WWC2: variants seen among roughly 807,000 people sequenced by gnomAD.
WWC2 encodes the protein WW and C2 domain containing 2, also known as protein WWC2.
WWC2 carries 101 observed loss-of-function variants against 138.5 expected under a neutral mutation model. The observed-to-expected ratio is 0.73, with a 90% confidence interval of 0.62 to 0.86. The LOEUF (loss-of-function observed/expected upper bound fraction) is 0.86. Among genes scored for constraint, WWC2 ranks in the 40% least tolerant of loss-of-function variants. The pLI, the probability that WWC2 is intolerant of heterozygous loss-of-function variation, is 0.00. For missense variants in WWC2, 1,420 were observed against 1,419.4 expected, an observed-to-expected ratio of 1.00 and a Z score of -0.01; for synonymous variants, 558 against 538.4, an observed-to-expected ratio of 1.04 and a Z score of -0.50.
chr4:183,178,424 A>T (rs994678313), intron 1 of WWC2, among the ~76,000 whole-genome samples: 5 of 151,052 alleles, frequency 3.3e-5, no homozygotes, highest in Admixed American at 6.6e-5. Flanking sequence ...AAATAAATTT[A>T]AAAAATTAGC....
At chr4:183,261,715 A>G (rs1255579714) in intron 11 of WWC2, among the ~76,000 whole-genome samples, 183 bp downstream of exon 11, 2 of 152,212 alleles carry the variant, frequency 1.3e-5, no homozygotes, top group Non-Finnish European at 1.5e-5. Flanking sequence ...ATTATCAAAT[A>G]AAAATTACCT....
chr4:183,113,575 G>A (rs1349205809), intron 1 of WWC2, among the ~76,000 whole-genome samples: 1 of 151,500 alleles, frequency 6.6e-6, no homozygotes, highest in Non-Finnish European at 1.5e-5. Flanking sequence ...ATTTTTGTTT[G>A]TTGGTAGAGA....
At chr4:183,203,920 G>C (rs1471345664) in intron 2 of WWC2, among the ~76,000 whole-genome samples, 1 of 152,184 alleles carries the variant, frequency 6.6e-6, no homozygotes, top group Non-Finnish European at 1.5e-5. Context: ...GAGTAGTACA[G>C]TCCAAGACCA....
chr4:183,208,923 T>C, intron 3 of WWC2, 26 bp from the exon 4 acceptor site: 1 of 1,450,696 alleles, frequency 6.9e-7, no homozygotes, highest in Non-Finnish European at 9.4e-7. Flanking sequence ...TGTAAATAAT[T>C]AGTTTTTCTT....
chr4:183,215,659 A>C (rs769614400), intron 4 of WWC2, among the ~76,000 whole-genome samples: 9 of 152,154 alleles, frequency 5.9e-5, no homozygotes, highest in Admixed American at 3.9e-4. Context: ...CTCACTCTCT[A>C]TGAGTTTGGC....
At chr4:183,220,892 C>T (rs1454684770) in intron 4 of WWC2, among the ~76,000 whole-genome samples, 2 of 148,504 alleles carry the variant, frequency 1.3e-5, no homozygotes, top group African/African-American at 4.9e-5. Context: ...TAAAATGGAA[C>T]CATTAGAAAA....
intron 4 of WWC2, among the ~76,000 whole-genome samples, chr4:183,212,366 C>G (rs1290708610): frequency 6.6e-6 from 1 of 152,092 alleles, no homozygotes; most frequent in African/African-American, 2.4e-5. Context: ...TTTGTCAGTC[C>G]ATCCATAATT....
At chr4:183,118,659 A>G (rs28636014) in intron 1 of WWC2, among the ~76,000 whole-genome samples, 2,562 of 152,358 alleles carry the variant, frequency 0.017, 70 homozygotes, top group African/African-American at 0.057. Context: ...TGTTCTGTCT[A>G]TAAAATAAAT....
Position 183,182,356 on chromosome 4 carries a change from G to A in WWC2, c.132-11243G>A, listed in dbSNP as rs1019578166. On this transcript the variant is annotated intron_variant, in intron 1 of 22. Coordinates refer to ENST00000403733, the MANE Select transcript of WWC2 (RefSeq NM_024949.6). ...CCACCATGAAATTGACTGGCTGTGT[G>A]TTGAACTACAGGTTGGGAATTGAGG... is the stretch of plus-strand genomic sequence containing the variant. Among the ~76,000 whole-genome samples, 4 of 152,202 alleles carry A rather than the reference G, an allele frequency of 2.6e-5. No homozygotes were observed. In the South Asian group the frequency reaches 8.3e-4, roughly 31 times the overall value.
At chr4:183,154,495 C>T (rs769258556) in intron 1 of WWC2, among the ~76,000 whole-genome samples, 175 of 152,150 alleles carry the variant, frequency 1.2e-3, no homozygotes, top group Non-Finnish European at 1.3e-3. Flanking sequence ...AGGAAAAGGT[C>T]AGGCACAACC....
At chr4:183,300,898 T>C (rs1738814211) in intron 21 of WWC2, among the ~76,000 whole-genome samples, 1 of 152,202 alleles carries the variant, frequency 6.6e-6, no homozygotes, top group East Asian at 1.9e-4. Context: ...CTCTGCGTTC[T>C]ATTCCTGTGG....
intron 4 of WWC2, among the ~76,000 whole-genome samples, chr4:183,218,439 AG>A (rs958334735): frequency 5.3e-5 from 8 of 152,208 alleles, no homozygotes; most frequent in East Asian, 3.8e-4. Flanking sequence ...GTATATATCC[AG>A]AAGTGGAATT....
chr4:183,187,484 C>G (rs891766452), intron 1 of WWC2, among the ~76,000 whole-genome samples: 2 of 150,784 alleles, frequency 1.3e-5, no homozygotes, highest in African/African-American at 4.9e-5. Context: ...ACCTGGGAGG[C>G]GGAGGTTGCA....
At position 183,289,491 on chromosome 4, in the gene WWC2, G is replaced by A. The variant is rs752756187; in HGVS notation, c.3240G>A (p.Gln1080=). Residue 1080 remains glutamine, a synonymous_variant, in exon 21 of 23, where the codon CAG becomes CAA. Coordinates refer to ENST00000403733, the MANE Select transcript of WWC2 (RefSeq NM_024949.6). The part of the protein sequence containing the change: ...ELDLQASLTR[Q]SRLNDELQAL... ...ACCTTCAGGCATCTCTGACCCGGCA[G>A]AGCCGCCTCAATGATGAGCTGCAGG... 1.1e-5 allele frequency: 18 copies of A among 1,613,826 alleles called. 1 individual carries two copies. Among genetic ancestry groups the A allele is most frequent in the Middle Eastern group, 3.3e-4 (2 of 6,062 alleles).
chr4:183,247,407 C>T (rs1452655695), intron 6 of WWC2, among the ~76,000 whole-genome samples: 1 of 150,580 alleles, frequency 6.6e-6, no homozygotes, highest in African/African-American at 2.4e-5. Flanking sequence ...AAGACTTGCA[C>T]AAGGTCACTA....
intron 21 of WWC2, among the ~76,000 whole-genome samples, chr4:183,305,537 G>A (rs1253651034): frequency 1.3e-5 from 2 of 152,002 alleles, no homozygotes; most frequent in East Asian, 3.9e-4. Context: ...TTCCTTACAG[G>A]AGAACAAAGA....
chr4:183,122,170 T>C (rs952310122), intron 1 of WWC2, among the ~76,000 whole-genome samples: 2 of 152,198 alleles, frequency 1.3e-5, no homozygotes, highest in Middle Eastern at 3.2e-3. Context: ...TACTGATTTA[T>C]AAATGTTATT....
chr4:183,296,850 C>T (rs1348163468), intron 21 of WWC2, among the ~76,000 whole-genome samples: 6 of 130,250 alleles, frequency 4.6e-5, no homozygotes, highest in East Asian at 2.6e-4. Context: ...AGGAGAATGG[C>T]GTGAACCCCG....
chr4:183,193,637 A>T lies in WWC2; in HGVS notation c.170A>T (p.Asp57Val). 1 of 1,613,904 alleles carries T rather than the reference A, an allele frequency of 6.2e-7. No homozygotes were observed. The highest frequency in any genetic ancestry group is 8.5e-7 in the Non-Finnish European group (1 of 1,179,890). ...KPLSFADCVG[D>V]ELPWGWEAGF... ...TTGTCATTTGCTGATTGTGTTGGGG[A>T]TGAGCTGCCGTGGGGATGGGAAGCA... Residue 57 changes from aspartate to valine, a missense_variant, in exon 2 of 23, where the codon GAT (aspartate) becomes GTT (valine). Coordinates refer to ENST00000403733, the MANE Select transcript of WWC2 (RefSeq NM_024949.6).
Sources: gnomAD v4.1 joint callset for allele counts (sites outside exome capture counted in the v4.1 genomes callset) on GRCh38, gnomAD v4.1.1 for gene constraint, MANE v1.5 for transcripts, NCBI Gene and HGNC (gene_info 2026-07-23, HGNC 2026-07-21) for gene names.